Variants in CHST15 observed in about 807,000 individuals in gnomAD.
CHST15 encodes B cell RAG associated protein (GALNAC4S-6ST).
In CHST15, 30 loss-of-function variants were observed where a neutral mutation model predicts 53.6. The observed-to-expected ratio is 0.56, with a 90% confidence interval of 0.42 to 0.76. The LOEUF is 0.76. CHST15 is among the 30% of genes least tolerant of loss of function. The pLI is 0.00. For missense variants in CHST15, 627 were observed against 740.5 expected, an observed-to-expected ratio of 0.85 and a Z score of 1.78; for synonymous variants, 296 against 289.8, an observed-to-expected ratio of 1.02 and a Z score of -0.22.
chr10:124,046,115 G>T lies in CHST15; in HGVS notation c.98C>A (p.Ala33Glu). The stretch of plus-strand genomic sequence containing the variant: ...GTTTTCTCCTTTGCACGTGGGGCAC[G>T]CCTGGTGACCGTGATGGGGGCCCCC... ...CQGGPHHGHQ[A>E]CPTCKGENKI... Residue 33 changes from alanine to glutamate, a missense_variant, in exon 2 of 8, where the codon GCG (alanine) becomes GAG (glutamate). Ala to Glu is a moderately radical substitution (Grantham distance 107, BLOSUM62 -1). This residue lies in a region of CHST15 where 187 missense variants were observed against 251.8 expected (regional missense o/e 0.74). Transcript: ENST00000435907. 1 of 1,614,196 alleles carries T rather than the reference G, an allele frequency of 6.2e-7. No homozygotes were observed. Among genetic ancestry groups the T allele is most frequent in the Non-Finnish European group, 8.5e-7 (1 of 1,180,030 alleles).
At chr10:124,047,860 G>A (rs1377826724) in intron 1 of CHST15, among the ~76,000 whole-genome samples, 1 of 152,202 alleles carries the variant, frequency 6.6e-6, no homozygotes, top group Non-Finnish European at 1.5e-5. Flanking sequence ...AAAGATGAGA[G>A]ATCCTATACC....
At chr10:124,054,332 T>A (rs1948303313) in intron 1 of CHST15, among the ~76,000 whole-genome samples, 1 of 152,258 alleles carries the variant, frequency 6.6e-6, no homozygotes, top group Admixed American at 6.5e-5. Context: ...GGCAGTTTTT[T>A]AAGCTTATTT....
chr10:124,084,998 G>A (rs1949372980), intron 1 of CHST15, among the ~76,000 whole-genome samples: 1 of 152,228 alleles, frequency 6.6e-6, no homozygotes, highest in African/African-American at 2.4e-5. Flanking sequence ...GGGCAACCCT[G>A]CTTTCTTGTA....
intron 1 of CHST15, among the ~76,000 whole-genome samples, chr10:124,055,656 C>T (rs992138196): frequency 5.3e-5 from 8 of 152,150 alleles, no homozygotes; most frequent in African/African-American, 1.9e-4. Flanking sequence ...CACCAGGGCC[C>T]GTAGCTCTGG....
chr10:124,081,111 T>C (rs1321570234), intron 1 of CHST15, among the ~76,000 whole-genome samples: 1 of 152,198 alleles, frequency 6.6e-6, no homozygotes, highest in Non-Finnish European at 1.5e-5. Context: ...TGATGAACAA[T>C]GTGTGTTAGT....
rs376439574 is a variant in CHST15, at chr10:124,009,579, C to T, written c.*570G>A. 10 of 988,698 alleles carry T rather than the reference C, an allele frequency of 1.0e-5. No individual in the cohort carries two copies. Among genetic ancestry groups the T allele is most frequent in the Admixed American group, 1.2e-4 (2 of 16,880 alleles). The allele number at this position is 988,698 out of a possible 1,614,324, so 61.2% of individuals were successfully genotyped here. A position where few individuals can be genotyped will look rare whatever the true frequency, so the allele number is the denominator to read the frequency against. ...AAGAGCCTCCATTCTCGAAAGACTG[C>T]GGTTCTCTGTCCCAGTGAGGTTAGC... On this transcript the variant is annotated 3_prime_UTR_variant, in exon 8 of 8. Transcript: ENST00000435907.
Position 124,008,384 on chromosome 10 carries a change from TAC to T in CHST15, c.*1763_*1764del. The T allele has an allele frequency of 9.9e-7, 1 of 1,006,590 alleles. No individual in the cohort carries two copies. Among genetic ancestry groups the T allele is most frequent in the African/African-American group, 1.7e-5 (1 of 58,144 alleles). The allele number at this position is 1,006,590 out of a possible 1,614,324, so 62.4% of individuals were successfully genotyped here. ...GCGCGCACTGTACTGCAAATAAATA[TAC>T]ACACACACTGAAGTGATCTCTCCCT... is the stretch of plus-strand genomic sequence containing the variant. On this transcript the variant is annotated 3_prime_UTR_variant, in exon 8 of 8. Transcript: ENST00000435907.
intron 5 of CHST15, among the ~76,000 whole-genome samples, chr10:124,033,611 A>G (rs1390894449): frequency 2.0e-5 from 3 of 152,240 alleles, no homozygotes; most frequent in African/African-American, 7.2e-5. Context: ...CTAATCTGCT[A>G]GCAGACGCTC....
chr10:124,055,765 C>A (rs1438686627), intron 1 of CHST15, among the ~76,000 whole-genome samples: 1 of 152,176 alleles, frequency 6.6e-6, no homozygotes, highest in Non-Finnish European at 1.5e-5. Context: ...ACAACAAGGG[C>A]CAACTTTCCA....
intron 1 of CHST15, among the ~76,000 whole-genome samples, chr10:124,073,072 C>T (rs1005874562): frequency 3.3e-5 from 5 of 152,122 alleles, no homozygotes; most frequent in Admixed American, 6.5e-5. Context: ...GAAGCTTGGG[C>T]GTACTCACTC....
At position 124,044,935 on chromosome 10, in the gene CHST15, G is replaced by A. The variant is rs777352106; in HGVS notation, c.547-16C>T. ...CTGAAAACATCTGCAAGGAAACAGA[G>A]GAGGAGAGACACAGAGGAGGGGAAA... On this transcript the variant is annotated splice_polypyrimidine_tract_variant and intron_variant, in intron 2 of 7. Transcript: ENST00000435907. The A allele has an allele frequency of 7.7e-6, 11 of 1,429,826 alleles. No individual in the cohort carries two copies. The South Asian group carries it at 1.4e-4, about 18-fold the overall frequency. 88.6% of individuals were successfully genotyped at this position (1,429,826 alleles called of 1,614,324 possible).
intron 1 of CHST15, among the ~76,000 whole-genome samples, chr10:124,075,697 C>A (rs976927948): frequency 6.6e-6 from 1 of 152,124 alleles, no homozygotes; most frequent in Non-Finnish European, 1.5e-5. Flanking sequence ...CTGAAAAGTC[C>A]GGGCTTTCCT....
intron 1 of CHST15, among the ~76,000 whole-genome samples, chr10:124,057,839 T>C (rs1445559191): frequency 6.6e-6 from 1 of 152,166 alleles, no homozygotes; most frequent in Admixed American, 6.5e-5. Context: ...CCACCTCCCT[T>C]GTGCAACCAC....
intron 1 of CHST15, among the ~76,000 whole-genome samples, chr10:124,089,390 C>T (rs950881681): frequency 2.0e-5 from 3 of 152,218 alleles, no homozygotes; most frequent in Non-Finnish European, 2.9e-5. Context: ...CCTGCTGAGG[C>T]CCTAGGAACG....
At chr10:124,042,570 G>C (rs1947784074) in intron 3 of CHST15, 123 bp from the exon 4 acceptor site, 2 of 1,095,580 alleles carry the variant, frequency 1.8e-6, no homozygotes, top group Middle Eastern at 2.2e-4. Context: ...GCAGCAAGAG[G>C]CTCAGCCCAG....
intron 1 of CHST15, among the ~76,000 whole-genome samples, chr10:124,088,209 G>A (rs1041902034): frequency 2.0e-5 from 3 of 152,184 alleles, no homozygotes; most frequent in African/African-American, 7.2e-5. Context: ...AAGTCTTCCC[G>A]GAACACTCCA....
chr10:124,021,617 C>A (rs1590194682), intron 5 of CHST15, among the ~76,000 whole-genome samples: 1 of 152,272 alleles, frequency 6.6e-6, no homozygotes, highest in East Asian at 1.9e-4. Flanking sequence ...CTCTTCCAGA[C>A]CCAGACATGT....
chr10:124,015,487 C>G (rs1046553341), intron 6 of CHST15, among the ~76,000 whole-genome samples: 1 of 151,986 alleles, frequency 6.6e-6, no homozygotes, highest in Non-Finnish European at 1.5e-5. Flanking sequence ...GTCCCCCATG[C>G]AGGGCCCCAG....
intron 5 of CHST15, among the ~76,000 whole-genome samples, chr10:124,034,813 C>T (rs559643033): frequency 6.8e-6 from 1 of 146,454 alleles, no homozygotes; most frequent in Non-Finnish European, 1.5e-5. Context: ...AACGGGGACC[C>T]CGGCTCCGCC....
Sources: allele counts gnomAD v4.1 joint callset (sites outside exome capture counted in the v4.1 genomes callset), GRCh38; gene constraint gnomAD v4.1.1; regional missense constraint gnomAD v4.1.1; transcripts MANE v1.5; gene names NCBI Gene and HGNC (gene_info 2026-07-23, HGNC 2026-07-21).